AGBL4: variants seen among roughly 807,000 people sequenced by gnomAD.
AGBL4 encodes cytosolic carboxypeptidase 6.
In AGBL4, 58 loss-of-function variants were observed where a neutral mutation model predicts 66.4. The observed-to-expected ratio is 0.87, with a 90% confidence interval of 0.71 to 1.09. The LOEUF (loss-of-function observed/expected upper bound fraction) is 1.09, where lower values mean the gene tolerates loss of function less well. Ranked by LOEUF, AGBL4 falls within the 50% of genes least tolerant of loss-of-function variation. AGBL4 has a pLI of 0.00. For missense variants in AGBL4, 579 were observed against 631.0 expected (o/e 0.92, Z 0.88); for synonymous variants, 234 against 222.9 (o/e 1.05, Z -0.44).
chr1:48,953,200 A>G (rs1043888248), intron 5 of AGBL4, among the ~76,000 whole-genome samples: 1 of 152,196 alleles, frequency 6.6e-6, no homozygotes, highest in Admixed American at 6.5e-5. Context: ...ACCAGGCTTA[A>G]GGCTAAACTC....
chr1:49,633,803 AT>A (rs1381175437), intron 3 of AGBL4, among the ~76,000 whole-genome samples: 1 of 149,718 alleles, frequency 6.7e-6, no homozygotes, highest in African/African-American at 2.4e-5. Context: ...GCATAAGTAA[AT>A]TAAAAATTAT....
intron 10 of AGBL4, 94 bp downstream of exon 10, chr1:48,590,739 G>T: frequency 1.4e-6 from 2 of 1,380,572 alleles, no homozygotes; most frequent in Non-Finnish European, 1.9e-6. Context: ...TAGGTGTCCC[G>T]TGGAGCTTAA....
chr1:49,536,296 A>C (rs1050074970), intron 3 of AGBL4, among the ~76,000 whole-genome samples: 1 of 152,216 alleles, frequency 6.6e-6, no homozygotes, highest in Admixed American at 6.5e-5. Flanking sequence ...GTATATTACT[A>C]GGAATTCTGT....
rs530891788 is a variant in AGBL4 at position 49,798,511 on chromosome 1, G to T, written c.157+52885C>A. Among the ~76,000 whole-genome samples, 36 of 152,208 alleles carry T rather than the reference G, an allele frequency of 2.4e-4. 1 individual carries two copies. The South Asian group carries it at 7.5e-3, about 32-fold the overall frequency. ...AATCTTCAGCTTATGAGTTTTTAAA[G>T]ATAAAACATAAAATGCCATTTTTAT... is the stretch of plus-strand genomic sequence containing the variant. On this transcript the variant is annotated intron_variant, in intron 2 of 13. Transcript: ENST00000371839.
chr1:49,164,273 G>A (rs1646592674), intron 4 of AGBL4, among the ~76,000 whole-genome samples: 1 of 152,030 alleles, frequency 6.6e-6, no homozygotes, highest in Non-Finnish European at 1.5e-5. Context: ...CACACTTATA[G>A]GAAAACTACC....
chr1:48,685,216 A>T (rs1646513585), intron 6 of AGBL4, among the ~76,000 whole-genome samples: 1 of 152,264 alleles, frequency 6.6e-6, no homozygotes, highest in South Asian at 2.1e-4. Context: ...ACTTCTATAT[A>T]AAATCTCTAA....
intron 2 of AGBL4, among the ~76,000 whole-genome samples, chr1:49,815,760 T>C (rs371547172): frequency 9.3e-4 from 141 of 152,328 alleles, no homozygotes; most frequent in South Asian, 2.1e-3. Context: ...ATTTCTCTGA[T>C]GATCAATGAT....
In AGBL4 at chr1:48,736,857, C is replaced by T. The variant is rs982351865; in HGVS notation, c.635-73616G>A. ...CTTACCAAATCTCAGGACACCCATGCTTAACTTCTTTCTGTGTTACACTAT... is the reference window on the plus strand; with the variant it reads ...CTTACCAAATCTCAGGACACCCATGTTTAACTTCTTTCTGTGTTACACTAT... On this transcript the variant is annotated intron_variant, in intron 6 of 13. Transcript: ENST00000371839. The surrounding 1 kb of genome is among the most constrained non-coding windows in gnomAD (Gnocchi z 4.0). 2.0e-5 allele frequency among the ~76,000 whole-genome samples: 3 copies of T among 152,182 alleles called. No homozygotes were observed. The highest frequency in any genetic ancestry group is 7.2e-5 in the African/African-American group (3 of 41,442).
intron 3 of AGBL4, among the ~76,000 whole-genome samples, chr1:49,329,751 A>G (rs974678654): frequency 6.6e-6 from 1 of 152,064 alleles, no homozygotes; most frequent in East Asian, 1.9e-4. Flanking sequence ...TAATCTTTCA[A>G]GTGTGGCCCA....
chr1:48,929,019 C>T (rs1654818025), intron 5 of AGBL4, among the ~76,000 whole-genome samples: 1 of 152,098 alleles, frequency 6.6e-6, no homozygotes, highest in African/African-American at 2.4e-5. Flanking sequence ...ATGCTACCTG[C>T]TAGGATTTTA....
intron 4 of AGBL4, among the ~76,000 whole-genome samples, chr1:49,150,983 T>C (rs1646316912): frequency 6.6e-6 from 1 of 151,974 alleles, no homozygotes; most frequent in Non-Finnish European, 1.5e-5. Context: ...AATATATACA[T>C]ATAGGCCAGG....
chr1:48,553,991 G>A (rs1644285629), intron 11 of AGBL4, among the ~76,000 whole-genome samples: 1 of 152,200 alleles, frequency 6.6e-6, no homozygotes, highest in Admixed American at 6.5e-5. Context: ...GTCTGCTGCA[G>A]CGGTCAAAGA....
At chr1:49,360,722 T>C (rs1481097584) in intron 3 of AGBL4, among the ~76,000 whole-genome samples, 1 of 152,198 alleles carries the variant, frequency 6.6e-6, no homozygotes, top group African/African-American at 2.4e-5. Context: ...GTATGCAATA[T>C]GAACATAGGT....
At chr1:49,689,642 C>G (rs1171189813) in intron 3 of AGBL4, among the ~76,000 whole-genome samples, 1 of 152,162 alleles carries the variant, frequency 6.6e-6, no homozygotes, top group Non-Finnish European at 1.5e-5. Context: ...TACATTCAAT[C>G]TACGGACTGC....
intron 6 of AGBL4, among the ~76,000 whole-genome samples, chr1:48,746,070 T>C (rs186900284): frequency 3.9e-5 from 6 of 152,292 alleles, no homozygotes; most frequent in Admixed American, 3.9e-4. Context: ...AGAGATAATG[T>C]ACACATAAAT....
At chr1:48,945,733 T>A (rs1008332053) in intron 5 of AGBL4, among the ~76,000 whole-genome samples, 1 of 152,136 alleles carries the variant, frequency 6.6e-6, no homozygotes, top group African/African-American at 2.4e-5. Flanking sequence ...AGACCCTTAT[T>A]TACTGTCAAG....
At chr1:50,016,025 C>G (rs1661952411) in intron 1 of AGBL4, among the ~76,000 whole-genome samples, 1 of 152,070 alleles carries the variant, frequency 6.6e-6, no homozygotes, top group Admixed American at 6.5e-5. Context: ...TGTAAAAACC[C>G]TAAAGAAAAC....
intron 6 of AGBL4, among the ~76,000 whole-genome samples, chr1:48,733,033 A>C (rs1364976569): frequency 6.6e-6 from 1 of 152,200 alleles, no homozygotes; most frequent in Admixed American, 6.5e-5. Context: ...TGGTGAAAAC[A>C]CATTAAGCAG....
intron 3 of AGBL4, chr1:49,269,362 T>A (rs1303364914): frequency 6.6e-6 from 1 of 152,198 alleles, no homozygotes; most frequent in Non-Finnish European, 1.5e-5. Flanking sequence ...ATATATTTAT[T>A]TGACATATTT....
Sources: allele counts gnomAD v4.1 joint callset (sites outside exome capture counted in the v4.1 genomes callset), GRCh38; gene constraint gnomAD v4.1.1; non-coding constraint Gnocchi (gnomAD v3.1); transcripts MANE v1.5; gene names NCBI Gene and HGNC (gene_info 2026-07-23, HGNC 2026-07-21).